DNAAF9: variants seen among roughly 807,000 people sequenced by gnomAD.
DNAAF9 encodes the protein dynein axonemal assembly factor 9.
A neutral mutation model predicts 167.0 loss-of-function variants in DNAAF9; 90 were observed. The ratio of observed to expected loss-of-function variants is 0.54; its 90% CI spans 0.45 to 0.64. DNAAF9 has a LOEUF of 0.64. DNAAF9 is among the 30% of genes least tolerant of loss of function. DNAAF9 has a pLI of 0.00. For synonymous variants in DNAAF9, 491 were observed against 508.8 expected, an observed-to-expected ratio of 0.96 and a Z score of 0.47; for missense variants, 1,315 against 1,442.2, an observed-to-expected ratio of 0.91 and a Z score of 1.43.
intron 1 of DNAAF9, among the ~76,000 whole-genome samples, chr20:3,388,837 T>C (rs879851722): frequency 5.3e-5 from 8 of 152,180 alleles, no homozygotes; most frequent in Non-Finnish European, 1.2e-4. Context: ...AGCTTCAGTT[T>C]TGCAAGATGA....
rs1461859943 is a variant in DNAAF9 at position 3,249,653 on chromosome 20, C to G, written c.*2919G>C. ...TCCTGGGACAATGAGGAAGCCAGTT[C>G]TCACCTACTTTTTTGAGGTACAACT... is the stretch of plus-strand genomic sequence containing the variant. On this transcript the variant is annotated 3_prime_UTR_variant, in exon 37 of 37. Transcript: ENST00000252032. 6.6e-6 allele frequency: 1 copy of G among 152,194 alleles called. No homozygotes were observed. The highest frequency in any genetic ancestry group is 1.5e-5 in the Non-Finnish European group (1 of 68,038). 9.4% of individuals were successfully genotyped at this position (152,194 alleles called of 1,614,324 possible). A position where few individuals can be genotyped will look rare whatever the true frequency, so the allele number is the denominator to read the frequency against.
At chr20:3,299,484 G>T (rs1372148797) in intron 21 of DNAAF9, among the ~76,000 whole-genome samples, 1 of 151,258 alleles carries the variant, frequency 6.6e-6, no homozygotes, top group East Asian at 2.0e-4. Flanking sequence ...GCTAATTTTT[G>T]TATTTTTAGT....
rs144735399 is a variant in DNAAF9, at chr20:3,322,434, G to A, written c.1311-172C>T. Among the ~76,000 whole-genome samples, 437 of 152,312 alleles carry A rather than the reference G, an allele frequency of 2.9e-3. 2 individuals are homozygous for A. The highest frequency in any genetic ancestry group is 0.01 in the African/African-American group (423 of 41,564). ...TAGAATTGGTATGTGGGCCACTAAG[G>A]TGAGTATGTCCATCCCCACCTCTGC... On this transcript the variant is annotated intron_variant, in intron 15 of 36. Transcript: ENST00000252032.
chr20:3,403,074 A>C (rs2084010973), intron 1 of DNAAF9, among the ~76,000 whole-genome samples: 1 of 152,068 alleles, frequency 6.6e-6, no homozygotes, highest in South Asian at 2.1e-4. Context: ...CATTCTGTTA[A>C]TTTATGATAA....
chr20:3,369,380 C>CT (rs796134113), intron 6 of DNAAF9, among the ~76,000 whole-genome samples: 7,585 of 144,808 alleles, frequency 0.052, 337 homozygotes, highest in African/African-American at 0.12. Flanking sequence ...TTAAAGTTAA[C>CT]TTTTTTTTTT....
At chr20:3,287,887 C>T (rs1319229876) in intron 26 of DNAAF9, 97 bp from the exon 27 acceptor site, 20 of 1,065,452 alleles carry the variant, frequency 1.9e-5, no homozygotes, top group African/African-American at 9.4e-5. Flanking sequence ...AGTCCTAAAG[C>T]CATTCTGCCC....
At chr20:3,339,134 C>G (rs540904346) in intron 10 of DNAAF9, among the ~76,000 whole-genome samples, 1 of 152,230 alleles carries the variant, frequency 6.6e-6, no homozygotes, top group South Asian at 2.1e-4. Context: ...CTAGAATTTC[C>G]TTTTGATTCT....
chr20:3,318,381 T>A lies in DNAAF9; in HGVS notation c.1376A>T (p.Asp459Val). The A allele has an allele frequency of 1.3e-6, 2 of 1,595,206 alleles. No individual in the cohort carries two copies. Among genetic ancestry groups the A allele is most frequent in the Non-Finnish European group, 1.7e-6 (2 of 1,163,140 alleles). ...FVKTACMAVYDIPDLLGGNGC... is the reference protein window; with the variant it reads ...FVKTACMAVYVIPDLLGGNGC... ...ATTGCCTCCCAGTAAGTCAGGAATGTCATAGACGGCCATACAAGCCTGCAT... is the reference window on the plus strand; with the variant it reads ...ATTGCCTCCCAGTAAGTCAGGAATGACATAGACGGCCATACAAGCCTGCAT... The change falls in exon 17 of 37, where the codon GAC becomes GTC. Residue 459 changes from aspartate (D) to valine (V), a missense_variant. Physicochemically the swap from Asp to Val is radical, Grantham distance 152. Around this residue, in one of 2 missense-constraint regions of DNAAF9, gnomAD observed 981 missense variants for 1,012.5 expected, o/e 0.97. Coordinates refer to ENST00000252032, the MANE Select transcript of DNAAF9 (RefSeq NM_001009984.3).
chr20:3,291,303 T>C (rs574655189), intron 25 of DNAAF9, among the ~76,000 whole-genome samples: 1 of 151,898 alleles, frequency 6.6e-6, no homozygotes, highest in African/African-American at 2.4e-5. Context: ...GGGAGGTCTA[T>C]GTAAATGACT....
chr20:3,297,574 C>G (rs535097118), intron 22 of DNAAF9, among the ~76,000 whole-genome samples: 18 of 152,190 alleles, frequency 1.2e-4, no homozygotes, highest in Non-Finnish European at 1.5e-5. Flanking sequence ...CTAAGTGGGT[C>G]GTTTCATTCT....
chr20:3,352,103 T>A (rs2070336784), intron 7 of DNAAF9, among the ~76,000 whole-genome samples: 1 of 152,190 alleles, frequency 6.6e-6, no homozygotes, highest in South Asian at 2.1e-4. Context: ...AGCAAATGCA[T>A]AAGTATTATT....
At chr20:3,276,167 G>C (rs750496385) in intron 29 of DNAAF9, among the ~76,000 whole-genome samples, 10 of 152,126 alleles carry the variant, frequency 6.6e-5, no homozygotes, top group Non-Finnish European at 1.5e-4. Context: ...GCTCCCTTAG[G>C]ACATGAAGTA....
intron 26 of DNAAF9, among the ~76,000 whole-genome samples, chr20:3,288,256 G>A (rs1415327762): frequency 1.3e-5 from 2 of 152,206 alleles, no homozygotes; most frequent in African/African-American, 4.8e-5. Context: ...TTCAAGACCA[G>A]CCTGACCAAC....
intron 10 of DNAAF9, among the ~76,000 whole-genome samples, chr20:3,333,394 T>C (rs2069876882): frequency 6.6e-6 from 1 of 152,186 alleles, no homozygotes; most frequent in Non-Finnish European, 1.5e-5. Context: ...AAGTACAATA[T>C]ACAAAAAGTA....
chr20:3,268,897 C>T (rs1381544253), intron 30 of DNAAF9, among the ~76,000 whole-genome samples: 42 of 85,832 alleles, frequency 4.9e-4, no homozygotes, highest in African/African-American at 7.4e-4. Flanking sequence ...CTCTATGTTA[C>T]TTTTTTTTTT....
chr20:3,406,165 G>A (rs1252266593), intron 1 of DNAAF9, among the ~76,000 whole-genome samples: 1 of 152,170 alleles, frequency 6.6e-6, no homozygotes, highest in East Asian at 1.9e-4. Context: ...GGAAAGGAAT[G>A]CAGGGAAGTA....
Position 3,382,509 on chromosome 20 carries a change from G to GC in DNAAF9, c.84-4dup. 1 of 1,613,360 alleles carries GC rather than the reference G, an allele frequency of 6.2e-7. No homozygotes were observed. Among genetic ancestry groups the GC allele is most frequent in the African/African-American group, 1.3e-5 (1 of 75,022 alleles). On this transcript the variant is annotated splice_region_variant and splice_polypyrimidine_tract_variant and intron_variant, in intron 1 of 36. Transcript: ENST00000252032. ...GAACCTGCCGAAGTCGACTGCAGCT[G>GC]CAACAAGAACAGAAAATGGTCCCCT...
intron 1 of DNAAF9, among the ~76,000 whole-genome samples, chr20:3,391,023 A>C (rs2083819205): frequency 6.6e-6 from 1 of 152,324 alleles, no homozygotes; most frequent in South Asian, 2.1e-4. Context: ...CAAGAAAAAA[A>C]CAGCTCCCCA....
intron 16 of DNAAF9, among the ~76,000 whole-genome samples, chr20:3,320,574 A>C (rs1357489602): frequency 1.3e-5 from 2 of 152,334 alleles, no homozygotes; most frequent in South Asian, 4.1e-4. Flanking sequence ...TTATCACCTA[A>C]ATATCAGAAA....
Sources: gnomAD v4.1 joint callset for allele counts (sites outside exome capture counted in the v4.1 genomes callset) on GRCh38, gnomAD v4.1.1 for gene constraint, gnomAD v4.1.1 regional missense constraint, MANE v1.5 for transcripts, NCBI Gene and HGNC (gene_info 2026-07-23, HGNC 2026-07-21) for gene names.